The following NUP155 variants were observed in gnomAD, a reference collection of about 807,000 sequenced individuals.
NUP155 encodes the protein nuclear pore complex protein Nup155.
In NUP155, 71 loss-of-function variants were observed where a neutral mutation model predicts 180.4. The observed-to-expected ratio is 0.39, with a 90% CI of 0.33 to 0.48. NUP155 has a LOEUF of 0.48. Among genes scored for constraint, NUP155 ranks in the 20% least tolerant of loss-of-function variants. The pLI is 0.91. For missense variants in NUP155, 1,553 were observed against 1,648.9 expected (o/e 0.94, Z 1.01); for synonymous variants, 582 against 559.5 (o/e 1.04, Z -0.57).
chr5:37,298,228 CCT>C (rs1175656110), intron 32 of NUP155, among the ~76,000 whole-genome samples: 1 of 149,350 alleles, frequency 6.7e-6, no homozygotes, highest in Non-Finnish European at 1.5e-5. Context: ...ACAGAGAAAG[CCT>C]CTGTCTCAAA....
intron 11 of NUP155, among the ~76,000 whole-genome samples, chr5:37,340,334 A>C (rs982935049): frequency 9.9e-5 from 15 of 151,922 alleles, no homozygotes; most frequent in Non-Finnish European, 1.8e-4. Flanking sequence ...TCTCTCAGCT[A>C]CTCAGGAGGC....
chr5:37,311,364 A>T (rs1261024839), intron 22 of NUP155, among the ~76,000 whole-genome samples: 1 of 152,186 alleles, frequency 6.6e-6, no homozygotes, highest in African/African-American at 2.4e-5. Context: ...GATCACAAAA[A>T]CATACCCAGG....
At position 37,291,663 on chromosome 5, in the gene NUP155, G is replaced by A. The variant is rs2150933124; in HGVS notation, c.*237C>T. On this transcript the variant is annotated 3_prime_UTR_variant, in exon 35 of 35. Coordinates refer to ENST00000231498, the MANE Select transcript of NUP155 (RefSeq NM_153485.3). ...GTTTCTAAATTTTTTTAATCCTTAT[G>A]TTAAAATAATAAATAATCTCATTTC... 3 of 380,654 alleles carry A rather than the reference G, an allele frequency of 7.9e-6. No homozygotes were observed. The Admixed American group carries it at 1.3e-4, about 16-fold the overall frequency. 23.6% of individuals were successfully genotyped at this position (380,654 alleles called of 1,614,324 possible). A position where few individuals can be genotyped will look rare whatever the true frequency, so the allele number is the denominator to read the frequency against.
chr5:37,309,101 A>G, intron 24 of NUP155, 28 bp downstream of exon 24: 1 of 1,609,806 alleles, frequency 6.2e-7, no homozygotes. Context: ...AGTTGAGTAA[A>G]AGATACAAGA....
At chr5:37,332,355 A>T (rs1399229728) in intron 13 of NUP155, among the ~76,000 whole-genome samples, 21 of 114,606 alleles carry the variant, frequency 1.8e-4, no homozygotes, top group Non-Finnish European at 3.1e-4. Context: ...GGAGTCTCGT[A>T]CTGTCTCCCA....
chr5:37,364,777 C>T (rs1332886962), intron 1 of NUP155, among the ~76,000 whole-genome samples: 2 of 151,832 alleles, frequency 1.3e-5, no homozygotes, highest in African/African-American at 2.4e-5. Flanking sequence ...GCTGAGACTA[C>T]AGGCGTCCGC....
At chr5:37,345,433 GGGA>G (rs1223672927) in intron 9 of NUP155, among the ~76,000 whole-genome samples, 2 of 151,058 alleles carry the variant, frequency 1.3e-5, no homozygotes, top group East Asian at 1.9e-4. Context: ...CCTTGAGCCT[GGGA>G]GGAGGAGGAG....
At chr5:37,339,793 T>G (rs2150975059) in intron 11 of NUP155, among the ~76,000 whole-genome samples, 1 of 152,326 alleles carries the variant, frequency 6.6e-6, no homozygotes, top group East Asian at 1.9e-4. Context: ...AGATGGAGTC[T>G]TGCTCTGTCC....
At chr5:37,320,044 G>T (rs1744144149) in intron 20 of NUP155, among the ~76,000 whole-genome samples, 1 of 152,060 alleles carries the variant, frequency 6.6e-6, no homozygotes, top group Non-Finnish European at 1.5e-5. Context: ...AATCAGCCAG[G>T]TGTGGCAGCA....
At position 37,290,878 on chromosome 5, in the gene NUP155, T is replaced by C. The variant is rs1742203888; in HGVS notation, c.*1022A>G. On this transcript the variant is annotated 3_prime_UTR_variant, in exon 35 of 35. Coordinates refer to ENST00000231498, the MANE Select transcript of NUP155 (RefSeq NM_153485.3). ...CTCGAGAATTTGCATTTCTAACAAATTCCTAGGTGATGCTGATGCTGATGC... is the reference window on the plus strand; with the variant it reads ...CTCGAGAATTTGCATTTCTAACAAACTCCTAGGTGATGCTGATGCTGATGC... 6.6e-6 allele frequency: 1 copy of C among 152,156 alleles called. No individual in the cohort carries two copies. The highest frequency in any genetic ancestry group is 1.5e-5 in the Non-Finnish European group (1 of 68,030). The allele number at this position is 152,156 out of a possible 1,614,324, so 9.4% of individuals were successfully genotyped here.
At chr5:37,328,495 A>G in intron 16 of NUP155, 75 bp from the exon 17 acceptor site, 1 of 1,132,648 alleles carries the variant, frequency 8.8e-7, no homozygotes, top group Non-Finnish European at 1.3e-6. Context: ...AAATTAGGTA[A>G]AGAAGGTATT....
intron 24 of NUP155, among the ~76,000 whole-genome samples, chr5:37,307,897 G>A (rs1743259479): frequency 6.7e-6 from 1 of 149,284 alleles, no homozygotes; most frequent in African/African-American, 2.5e-5. Flanking sequence ...ACTCCAGCCT[G>A]GGTGACAGAA....
chr5:37,309,822 A>T (rs1198347404), intron 23 of NUP155, among the ~76,000 whole-genome samples: 1 of 152,102 alleles, frequency 6.6e-6, no homozygotes, highest in African/African-American at 2.4e-5. Flanking sequence ...TGCAAGGCTG[A>T]GGCAGGCGGA....
Position 37,351,208 on chromosome 5 carries a change from T to C in NUP155, c.705A>G (p.Leu235=), listed in dbSNP as rs1746434508. Residue 235 remains leucine (L), a synonymous_variant, in exon 6 of 35, where the codon TTA becomes TTG. Transcript: ENST00000231498. ...GACTTACCTGGTAGGCTACTTCATA[T>C]AAACAGCCATCCTTTCCAGCCAAGA... ...RIFLAGKDGC[L]YEVAYQAEAG... 1.2e-6 allele frequency: 2 copies of C among 1,613,834 alleles called. No individual in the cohort carries two copies. The highest frequency in any genetic ancestry group is 1.7e-4 in the Middle Eastern group (1 of 6,058).
At chr5:37,342,802 T>C (rs1745818576) in intron 9 of NUP155, among the ~76,000 whole-genome samples, 156 bp from the exon 10 acceptor site, 1 of 152,182 alleles carries the variant, frequency 6.6e-6, no homozygotes, top group Admixed American at 6.5e-5. Flanking sequence ...AGTGGCGTGA[T>C]CTCGGCTCAC....
intron 32 of NUP155, among the ~76,000 whole-genome samples, chr5:37,295,829 A>T (rs1742514325): frequency 6.7e-6 from 1 of 149,122 alleles, no homozygotes; most frequent in Admixed American, 6.6e-5. Flanking sequence ...CCGTCTGAGA[A>T]GTGAGGAGCC....
In NUP155 at chr5:37,290,477, C is replaced by T; in HGVS notation, c.*1423G>A. The stretch of plus-strand genomic sequence containing the variant: ...TGGGCTACAGGGTGAGATTCTGTCT[C>T]CAAAAAAAAAAAAAAGAGAGAAAGG... On this transcript the variant is annotated 3_prime_UTR_variant, in exon 35 of 35. Transcript: ENST00000231498. 7.2e-6 allele frequency: 1 copy of T among 138,854 alleles called. No homozygotes were observed. 8.6% of individuals were successfully genotyped at this position (138,854 alleles called of 1,614,324 possible). A position where few individuals can be genotyped will look rare whatever the true frequency, so the allele number is the denominator to read the frequency against.
At chr5:37,365,273 A>AAATG (rs1747482361) in intron 1 of NUP155, among the ~76,000 whole-genome samples, 1 of 151,688 alleles carries the variant, frequency 6.6e-6, no homozygotes, top group Non-Finnish European at 1.5e-5. Context: ...ATAAATAAAT[A>AAATG]AATAAATAAA....
At chr5:37,356,367 G>C (rs556346616) in intron 4 of NUP155, among the ~76,000 whole-genome samples, 1 of 151,924 alleles carries the variant, frequency 6.6e-6, no homozygotes, top group African/African-American at 2.4e-5. Flanking sequence ...TATGGCCAGG[G>C]CATGGCAGCT....
Sources: allele counts gnomAD v4.1 joint callset (sites outside exome capture counted in the v4.1 genomes callset), GRCh38; gene constraint gnomAD v4.1.1; transcripts MANE v1.5; gene names NCBI Gene and HGNC (gene_info 2026-07-23, HGNC 2026-07-21).